DPP6: variants seen among roughly 807,000 people sequenced by gnomAD.
The protein encoded by DPP6 is A-type potassium channel modulatory protein DPP6.
In DPP6, 69 loss-of-function variants were observed where a neutral mutation model predicts 122.6. The observed-to-expected ratio is 0.56, with a 90% CI of 0.46 to 0.69. The LOEUF (loss-of-function observed/expected upper bound fraction) is 0.69, where lower values mean the gene tolerates loss of function less well. DPP6 is among the 30% of genes least tolerant of loss of function. The pLI is 0.00. For missense variants in DPP6, 928 were observed against 1,116.9 expected (o/e 0.83, Z 2.41); for synonymous variants, 418 against 433.1 (o/e 0.97, Z 0.43).
At chr7:153,960,154 T>C (rs1795272625) in intron 1 of DPP6, among the ~76,000 whole-genome samples, 2 of 152,172 alleles carry the variant, frequency 1.3e-5, no homozygotes, top group Non-Finnish European at 1.5e-5. Context: ...AGTAAAACTT[T>C]ATGAAGTTTG....
At chr7:154,381,205 C>G (rs1586111573) in intron 1 of DPP6, among the ~76,000 whole-genome samples, 1 of 152,286 alleles carries the variant, frequency 6.6e-6, no homozygotes, top group East Asian at 1.9e-4. Context: ...GTCTTAAAAG[C>G]CATGAAGCCA....
intron 1 of DPP6, among the ~76,000 whole-genome samples, chr7:154,377,758 C>G (rs1586101569): frequency 6.6e-6 from 1 of 152,308 alleles, no homozygotes; most frequent in East Asian, 1.9e-4. Context: ...AATCTCTTCT[C>G]TTTTTAAATA....
At position 153,920,561 on chromosome 7, in the gene DPP6, C is replaced by T. The variant is rs1380142495; in HGVS notation, c.51+32827C>T. 2.2e-4 allele frequency among the ~76,000 whole-genome samples: 14 copies of T among 62,480 alleles called. No homozygotes were observed. The East Asian group carries it at 2.4e-3, about 11-fold the overall frequency. 41.0% of individuals were successfully genotyped at this position (62,480 alleles called of 152,430 possible). The stretch of plus-strand genomic sequence containing the variant: ...TAGTCAACCTTTTTCTTTTATCTCT[C>T]TCTTTTTTTTTTTTTTTTTGAGATG... On this transcript the variant is annotated intron_variant, in intron 1 of 25. Transcript: ENST00000404039.
In DPP6 at chr7:153,895,726, G is replaced by A. The variant is rs545904881; in HGVS notation, c.51+7992G>A. On this transcript the variant is annotated intron_variant, in intron 1 of 25. Transcript: ENST00000404039. Reference sequence around the variant, plus strand: ...ACACCATATACATGCATGTGCATGCGTGCACACACACACACACACACACAC... The same window carrying A: ...ACACCATATACATGCATGTGCATGCATGCACACACACACACACACACACAC... 9.6e-3 allele frequency among the ~76,000 whole-genome samples: 779 copies of A among 81,334 alleles called. 9 individuals carry two copies. The highest frequency in any genetic ancestry group is 0.034 in the African/African-American group (721 of 21,024). 53.4% of individuals were successfully genotyped at this position (81,334 alleles called of 152,430 possible). A position where few individuals can be genotyped will look rare whatever the true frequency, so the allele number is the denominator to read the frequency against.
intron 1 of DPP6, among the ~76,000 whole-genome samples, chr7:153,981,118 C>T (rs1207365455): frequency 6.6e-6 from 1 of 152,080 alleles, no homozygotes; most frequent in East Asian, 1.9e-4. Flanking sequence ...TTTATGTCTC[C>T]TTCATCTGTC....
At chr7:154,239,161 G>A (rs544494122) in intron 1 of DPP6, among the ~76,000 whole-genome samples, 3 of 152,270 alleles carry the variant, frequency 2.0e-5, no homozygotes, top group Admixed American at 6.5e-5. Flanking sequence ...TCATGGTACC[G>A]AGCTTCAGAC....
intron 1 of DPP6, among the ~76,000 whole-genome samples, chr7:154,005,770 A>C (rs933732944): frequency 6.6e-6 from 1 of 150,508 alleles, no homozygotes; most frequent in Non-Finnish European, 1.5e-5. Context: ...GGAGGAGAGA[A>C]GTGGGTAGGG....
chr7:154,244,144 C>G (rs186666724), intron 1 of DPP6, among the ~76,000 whole-genome samples: 9 of 152,034 alleles, frequency 5.9e-5, no homozygotes, highest in African/African-American at 2.2e-4. Flanking sequence ...AGAAAACTGT[C>G]AAAGCAGTTA....
intron 1 of DPP6, among the ~76,000 whole-genome samples, chr7:154,272,888 G>A (rs981037516): frequency 6.6e-6 from 1 of 152,120 alleles, no homozygotes; most frequent in Non-Finnish European, 1.5e-5. Flanking sequence ...CTCCACATCT[G>A]TGGAGTTTCC....
At chr7:154,339,470 G>A (rs1235394826) in intron 1 of DPP6, among the ~76,000 whole-genome samples, 1 of 152,188 alleles carries the variant, frequency 6.6e-6, no homozygotes, top group Non-Finnish European at 1.5e-5. Flanking sequence ...AGAGCCCACC[G>A]AATAGAAAAC....
intron 6 of DPP6, among the ~76,000 whole-genome samples, chr7:154,668,313 C>T (rs12719717): frequency 0.12 from 17,522 of 146,882 alleles, 1,401 homozygotes; most frequent in Non-Finnish European, 0.18. Context: ...CTCTGCCTCC[C>T]GGGTTCACGC....
At chr7:154,651,412 C>A (rs564257930) in intron 6 of DPP6, among the ~76,000 whole-genome samples, 12 of 152,218 alleles carry the variant, frequency 7.9e-5, no homozygotes, top group African/African-American at 2.9e-4. Flanking sequence ...ACCTATTCCC[C>A]TTTTTTCCTA....
At chr7:154,806,700 C>A (rs1459223259) in intron 15 of DPP6, among the ~76,000 whole-genome samples, 1 of 152,192 alleles carries the variant, frequency 6.6e-6, no homozygotes, top group Non-Finnish European at 1.5e-5. Flanking sequence ...CTCCTCACAC[C>A]AGGCCACCTG....
chr7:153,758,416 G>A, the DPP6 span, among the ~76,000 whole-genome samples: 1 of 152,026 alleles, frequency 6.6e-6, no homozygotes, highest in Non-Finnish European at 1.5e-5. Flanking sequence ...GTATTGACGT[G>A]TGCACATGTG....
intron 5 of DPP6, among the ~76,000 whole-genome samples, chr7:154,583,768 G>A (rs868025108): frequency 4.6e-5 from 7 of 152,276 alleles, no homozygotes; most frequent in South Asian, 4.1e-4. Context: ...CTGGACCTCT[G>A]ACTCGGGTGT....
chr7:154,624,476 CAACA>C lies in DPP6; in HGVS notation c.628-13326_628-13323del. The stretch of plus-strand genomic sequence containing the variant: ...GGGCAACAAGAGTGAAACTCTGTCT[CAACA>C]AACAAACAAACAAACAAAAAATATA... On this transcript the variant is annotated intron_variant, in intron 5 of 25. Transcript: ENST00000377770. This position sits in a 1 kb window ranked among gnomAD's most constrained non-coding sequence, Gnocchi z 4.7. Among the ~76,000 whole-genome samples the C allele has an allele frequency of 2.0e-5, 3 of 152,082 alleles. No homozygotes were observed. The highest frequency in any genetic ancestry group is 4.8e-5 in the African/African-American group (2 of 41,502).
intron 1 of DPP6, among the ~76,000 whole-genome samples, chr7:154,413,327 A>C (rs1204699777): frequency 6.6e-6 from 1 of 152,250 alleles, no homozygotes; most frequent in Non-Finnish European, 1.5e-5. Flanking sequence ...GCAGTTATGC[A>C]GAGATCACAG....
chr7:154,717,227 A>G (rs1017312821), intron 7 of DPP6, among the ~76,000 whole-genome samples: 3 of 152,238 alleles, frequency 2.0e-5, no homozygotes, highest in African/African-American at 2.4e-5. Flanking sequence ...TATTTGTGGT[A>G]AGAACACACA....
intron 1 of DPP6, among the ~76,000 whole-genome samples, chr7:154,245,712 A>G (rs1801943043): frequency 6.6e-6 from 1 of 152,030 alleles, no homozygotes; most frequent in Admixed American, 6.6e-5. Flanking sequence ...CTGTTAGAGG[A>G]AAAGAGAGAT....
Sources: gnomAD v4.1 joint callset for allele counts (sites outside exome capture counted in the v4.1 genomes callset) on GRCh38, gnomAD v4.1.1 for gene constraint, Gnocchi (gnomAD v3.1) non-coding constraint, MANE v1.5 for transcripts, NCBI Gene and HGNC (gene_info 2026-07-23, HGNC 2026-07-21) for gene names.